The following NETO1 variants were observed in gnomAD, a reference collection of about 807,000 sequenced individuals.
NETO1 encodes the protein neuropilin and tolloid like 1.
Under a neutral mutation model 61.3 loss-of-function variants are expected in NETO1, and 26 were observed. That is an observed-to-expected ratio of 0.42 (90% confidence interval 0.31 to 0.59). NETO1 has a LOEUF of 0.59. NETO1 is among the 20% of genes least tolerant of loss of function. NETO1 has a pLI of 0.12. For missense variants in NETO1, 531 were observed against 662.8 expected (o/e 0.80, Z 2.18); for synonymous variants, 225 against 225.8 (o/e 1.00, Z 0.03).
At chr18:72,803,020 C>A (rs779540717) in intron 4 of NETO1, among the ~76,000 whole-genome samples, 11 of 152,132 alleles carry the variant, frequency 7.2e-5, no homozygotes, top group Non-Finnish European at 1.2e-4. Flanking sequence ...TCTCATGGAG[C>A]ATCATTTCTG....
intron 3 of NETO1, among the ~76,000 whole-genome samples, chr18:72,862,912 G>A (rs1213379858): frequency 6.6e-6 from 1 of 152,184 alleles, no homozygotes; most frequent in African/African-American, 2.4e-5. Context: ...GAGCCACCAC[G>A]TCTGGCGATC....
chr18:72,782,225 A>G lies in NETO1; in HGVS notation c.868+1453T>C, dbSNP rs192525666. On this transcript the variant is annotated intron_variant, in intron 7 of 10. Transcript: ENST00000327305. ...TAGTATTCCACAATATATATGTACC[A>G]CATTTTCTTTATGCAGTCTAACATG... Among the ~76,000 whole-genome samples the G allele has an allele frequency of 2.0e-5, 3 of 152,308 alleles. No homozygotes were observed. In the East Asian group the frequency reaches 5.8e-4, roughly 29 times the overall value.
At chr18:72,858,166 T>C (rs1428400753) in intron 4 of NETO1, among the ~76,000 whole-genome samples, 1 of 152,190 alleles carries the variant, frequency 6.6e-6, no homozygotes, top group Non-Finnish European at 1.5e-5. Flanking sequence ...TAATGAATGG[T>C]AACTCTTAAT....
intron 4 of NETO1, among the ~76,000 whole-genome samples, chr18:72,853,886 C>A (rs2074335072): frequency 6.6e-6 from 1 of 151,540 alleles, no homozygotes; most frequent in African/African-American, 2.4e-5. Context: ...TCTTTCTTAC[C>A]AGAGCACCTA....
intron 6 of NETO1, among the ~76,000 whole-genome samples, chr18:72,792,848 T>C (rs2072172457): frequency 6.6e-6 from 1 of 151,944 alleles, no homozygotes; most frequent in African/African-American, 2.4e-5. Context: ...CTCTCTTCTC[T>C]CCTGTGATTC....
intron 4 of NETO1, among the ~76,000 whole-genome samples, chr18:72,844,787 T>G (rs2145514228): frequency 6.6e-6 from 1 of 152,306 alleles, no homozygotes; most frequent in Non-Finnish European, 1.5e-5. Flanking sequence ...TGTTTTTTTG[T>G]TTTCAGGAAG....
At chr18:72,755,551 G>A (rs925549699) in intron 8 of NETO1, among the ~76,000 whole-genome samples, 6 of 152,096 alleles carry the variant, frequency 3.9e-5, no homozygotes, top group African/African-American at 4.8e-5. Flanking sequence ...CTATGTTCCC[G>A]GGAAAGGAAG....
At chr18:72,787,195 T>C (rs1031023740) in intron 6 of NETO1, among the ~76,000 whole-genome samples, 11 of 151,178 alleles carry the variant, frequency 7.3e-5, no homozygotes, top group Admixed American at 4.6e-4. Flanking sequence ...TATGTACTTA[T>C]ACTCTAAAAA....
intron 8 of NETO1, among the ~76,000 whole-genome samples, chr18:72,753,609 A>G (rs1475019084): frequency 1.3e-5 from 2 of 152,234 alleles, no homozygotes; most frequent in East Asian, 3.8e-4. Context: ...AATTGAACAG[A>G]TACTAAATTA....
intron 8 of NETO1, among the ~76,000 whole-genome samples, chr18:72,752,316 G>GCA (rs1237497594): frequency 6.6e-6 from 1 of 152,126 alleles, no homozygotes; most frequent in Non-Finnish European, 1.5e-5. Flanking sequence ...GCCGGCAATT[G>GCA]GTGGAGACTA....
rs976773996 is a variant in NETO1, at chr18:72,746,819, T to C, written c.*1360A>G. On this transcript the variant is annotated 3_prime_UTR_variant, in exon 11 of 11. Transcript: ENST00000327305. ...AAAATTTATTTTGTAAGATTACACA[T>C]TGAATATTTTAAAAAATAACCACTC... is the stretch of plus-strand genomic sequence containing the variant. 1.3e-5 allele frequency among the ~76,000 whole-genome samples: 2 copies of C among 151,996 alleles called. No individual in the cohort carries two copies. Among genetic ancestry groups the C allele is most frequent in the African/African-American group, 4.8e-5 (2 of 41,422 alleles).
intron 4 of NETO1, among the ~76,000 whole-genome samples, chr18:72,803,022 T>A (rs2072559127): frequency 6.6e-6 from 1 of 152,220 alleles, no homozygotes; most frequent in Non-Finnish European, 1.5e-5. Flanking sequence ...TCATGGAGCA[T>A]CATTTCTGCT....
chr18:72,776,858 T>G (rs1394750982), intron 7 of NETO1, among the ~76,000 whole-genome samples: 1 of 152,182 alleles, frequency 6.6e-6, no homozygotes, highest in African/African-American at 2.4e-5. Context: ...TATATTCATT[T>G]TATCCCAATA....
intron 4 of NETO1, among the ~76,000 whole-genome samples, chr18:72,847,487 A>T (rs760599459): frequency 6.6e-6 from 1 of 152,234 alleles, no homozygotes. Flanking sequence ...GCAGAGCCTT[A>T]AAGAGTGCCA....
chr18:72,831,177 T>C (rs1345864595), intron 4 of NETO1, among the ~76,000 whole-genome samples: 4 of 152,190 alleles, frequency 2.6e-5, no homozygotes, highest in Non-Finnish European at 5.9e-5. Flanking sequence ...CGATATTTCT[T>C]AGCTGAGCAA....
intron 7 of NETO1, among the ~76,000 whole-genome samples, chr18:72,766,220 A>ATATG (rs1491565058): frequency 3.4e-4 from 49 of 144,762 alleles, no homozygotes; most frequent in Non-Finnish European, 6.0e-4. Flanking sequence ...AAAAAAAAAT[A>ATATG]TGTGTGTGTG....
At position 72,864,894 on chromosome 18, in the gene NETO1, G is replaced by A. The variant is rs2074687340; in HGVS notation, c.134C>T (p.Thr45Ile). The change falls in exon 3 of 11, where the codon ACA (threonine) becomes ATA (isoleucine). Residue 45 changes from threonine to isoleucine, a missense_variant. By Grantham distance (89) the Thr-to-Ile change is moderately conservative. Transcript: ENST00000327305. ...AAAGATACCTCCCTCTGCATGTTTT[G>A]TCCAAGTTCCACACTGCACTGACTT... ...TQKSVQCGTW[T>I]KHAEGGIFTS... is the part of the protein sequence containing the mutation. The A allele has an allele frequency of 1.9e-6, 3 of 1,612,962 alleles. No homozygotes were observed. Among genetic ancestry groups the A allele is most frequent in the Admixed American group, 1.7e-5 (1 of 59,848 alleles).
At chr18:72,844,160 T>C (rs535330891) in intron 4 of NETO1, among the ~76,000 whole-genome samples, 3 of 152,342 alleles carry the variant, frequency 2.0e-5, no homozygotes, top group African/African-American at 4.8e-5. Flanking sequence ...ACCAAATTAC[T>C]AAGAACAGCA....
chr18:72,760,686 C>A (rs1173433320), intron 7 of NETO1, among the ~76,000 whole-genome samples: 7 of 152,248 alleles, frequency 4.6e-5, no homozygotes, highest in Admixed American at 3.9e-4. Context: ...AAAGATAATA[C>A]TTACCCAAGC....
Sources: gnomAD v4.1 joint callset for allele counts (sites outside exome capture counted in the v4.1 genomes callset) on GRCh38, gnomAD v4.1.1 for gene constraint, MANE v1.5 for transcripts, NCBI Gene and HGNC (gene_info 2026-07-23, HGNC 2026-07-21) for gene names.